The following ZNF385B variants were observed in gnomAD, a reference collection of about 807,000 sequenced individuals.
ZNF385B encodes the protein zinc finger protein 385B.
ZNF385B carries 23 observed loss-of-function variants against 39.2 expected under a neutral mutation model. The observed-to-expected ratio is 0.59, with a 90% CI of 0.42 to 0.83. ZNF385B has a LOEUF of 0.83. Ranked by LOEUF, ZNF385B falls within the 40% of genes least tolerant of loss-of-function variation. The probability of loss-of-function intolerance (pLI) is 0.00; values close to 1 mark genes in which losing one functional copy is unlikely to be tolerated. For missense variants in ZNF385B, 552 were observed against 598.9 expected (o/e 0.92, Z 0.82); for synonymous variants, 205 against 222.6 (o/e 0.92, Z 0.70).
intron 6 of ZNF385B, among the ~76,000 whole-genome samples, chr2:179,450,860 A>T (rs1157799173): frequency 6.6e-6 from 1 of 152,104 alleles, no homozygotes; most frequent in African/African-American, 2.4e-5. Flanking sequence ...TAAATGTCCA[A>T]CAATGATAGA....
At chr2:179,718,491 A>G (rs1700472966) in intron 3 of ZNF385B, among the ~76,000 whole-genome samples, 1 of 147,938 alleles carries the variant, frequency 6.8e-6, no homozygotes, top group Admixed American at 6.8e-5. Context: ...ATCTTTATAT[A>G]TTATATATAA....
intron 3 of ZNF385B, among the ~76,000 whole-genome samples, chr2:179,639,720 T>C (rs958983832): frequency 6.6e-6 from 1 of 152,142 alleles, no homozygotes; most frequent in Non-Finnish European, 1.5e-5. Flanking sequence ...CACTATCACA[T>C]AGTAATAGCC....
At chr2:179,845,462 A>T (rs1448762735) in intron 1 of ZNF385B, among the ~76,000 whole-genome samples, 4 of 152,218 alleles carry the variant, frequency 2.6e-5, no homozygotes, top group African/African-American at 9.6e-5. Flanking sequence ...CAAAAATGTC[A>T]TTCTACTTGT....
At chr2:179,709,172 T>C (rs1699823597) in intron 3 of ZNF385B, among the ~76,000 whole-genome samples, 1 of 152,222 alleles carries the variant, frequency 6.6e-6, no homozygotes, top group Non-Finnish European at 1.5e-5. Context: ...TGTCTTAGCC[T>C]AGTGGCCACA....
At chr2:179,791,710 A>G (rs1705336426) in intron 1 of ZNF385B, among the ~76,000 whole-genome samples, 1 of 152,228 alleles carries the variant, frequency 6.6e-6, no homozygotes, top group African/African-American at 2.4e-5. Context: ...TACTGAGCCT[A>G]TCTTTATTTA....
At chr2:179,541,971 T>C (rs537380806) in intron 4 of ZNF385B, among the ~76,000 whole-genome samples, 9 of 152,306 alleles carry the variant, frequency 5.9e-5, no homozygotes, top group Middle Eastern at 3.4e-3. Context: ...TCTTTCTTCC[T>C]CTAGACAATA....
At chr2:179,843,632 G>A (rs1435876904) in intron 1 of ZNF385B, among the ~76,000 whole-genome samples, 1 of 152,188 alleles carries the variant, frequency 6.6e-6, no homozygotes, top group Non-Finnish European at 1.5e-5. Context: ...TTCCTCAGAA[G>A]GGTCACCATT....
intron 3 of ZNF385B, among the ~76,000 whole-genome samples, chr2:179,613,864 G>A (rs972745533): frequency 1.3e-5 from 2 of 152,148 alleles, no homozygotes; most frequent in Non-Finnish European, 2.9e-5. Context: ...TTCTGTGGTG[G>A]CAAGGCTTGC....
intron 1 of ZNF385B, among the ~76,000 whole-genome samples, chr2:179,840,362 C>A (rs1206744044): frequency 6.6e-6 from 1 of 152,170 alleles, no homozygotes; most frequent in South Asian, 2.1e-4. Flanking sequence ...GAATACTATG[C>A]AAAGGAGCTT....
chr2:179,719,586 C>T (rs372653514), intron 3 of ZNF385B, among the ~76,000 whole-genome samples: 14 of 152,282 alleles, frequency 9.2e-5, no homozygotes, highest in African/African-American at 2.9e-4. Context: ...GTATGACCAG[C>T]AGTGGTTTGG....
chr2:179,753,534 G>C (rs2106473457), intron 3 of ZNF385B, among the ~76,000 whole-genome samples: 1 of 152,250 alleles, frequency 6.6e-6, no homozygotes, highest in South Asian at 2.1e-4. Context: ...TGGGCTTTAT[G>C]GCCATTGTCA....
chr2:179,678,237 C>T (rs999945380), intron 3 of ZNF385B, among the ~76,000 whole-genome samples: 10 of 152,202 alleles, frequency 6.6e-5, no homozygotes, highest in African/African-American at 1.4e-4. Flanking sequence ...CTCACACCTA[C>T]GCTCCTGTGC....
intron 4 of ZNF385B, among the ~76,000 whole-genome samples, chr2:179,542,554 A>C (rs1393840037): frequency 2.0e-5 from 3 of 152,222 alleles, no homozygotes; most frequent in Non-Finnish European, 4.4e-5. Context: ...CAAACAAACC[A>C]AATGACATGT....
intron 1 of ZNF385B, among the ~76,000 whole-genome samples, chr2:179,813,307 G>T (rs1478993820): frequency 6.6e-6 from 1 of 152,134 alleles, no homozygotes; most frequent in African/African-American, 2.4e-5. Flanking sequence ...TTAAACATAT[G>T]CCAGTTTATC....
intron 1 of ZNF385B, among the ~76,000 whole-genome samples, chr2:179,847,369 TTTTCCA>T (rs1342670612): frequency 6.6e-6 from 1 of 152,194 alleles, no homozygotes; most frequent in Non-Finnish European, 1.5e-5. Context: ...GAGAGGTCAA[TTTTCCA>T]TGTCTATATA....
chr2:179,607,320 G>T (rs1276229512), intron 3 of ZNF385B, among the ~76,000 whole-genome samples: 1 of 152,082 alleles, frequency 6.6e-6, no homozygotes, highest in Non-Finnish European at 1.5e-5. Context: ...GGATCATGGG[G>T]GTGGATTTTC....
intron 3 of ZNF385B, among the ~76,000 whole-genome samples, chr2:179,589,662 C>T (rs1687388742): frequency 6.6e-6 from 1 of 152,098 alleles, no homozygotes. Context: ...CTTAGAGGGT[C>T]CCAGAGTTTT....
chr2:179,502,285 G>C (rs1574480218), intron 5 of ZNF385B, among the ~76,000 whole-genome samples: 1 of 152,180 alleles, frequency 6.6e-6, no homozygotes, highest in Non-Finnish European at 1.5e-5. Flanking sequence ...GAGACTGTTG[G>C]GAAGGCATGA....
intron 3 of ZNF385B, among the ~76,000 whole-genome samples, chr2:179,611,348 T>C (rs1005003222): frequency 1.1e-4 from 17 of 152,232 alleles, no homozygotes; most frequent in African/African-American, 3.1e-4. Context: ...ATCACATTGA[T>C]TGATTTGCGT....
Sources: allele counts gnomAD v4.1 joint callset (sites outside exome capture counted in the v4.1 genomes callset), GRCh38; gene constraint gnomAD v4.1.1; transcripts MANE v1.5; gene names NCBI Gene and HGNC (gene_info 2026-07-23, HGNC 2026-07-21).